The following SCHIP1 variants were observed in gnomAD, a reference collection of about 807,000 sequenced individuals.
The protein encoded by SCHIP1 is schwannomin interacting protein 1.
Under a neutral mutation model 29.7 loss-of-function variants are expected in SCHIP1, and 8 were observed. The ratio of observed to expected loss-of-function variants is 0.27; its 90% confidence interval spans 0.16 to 0.49. SCHIP1 has a LOEUF of 0.49. SCHIP1 is among the 20% of genes least tolerant of loss of function. The pLI, the probability that SCHIP1 is intolerant of heterozygous loss-of-function variation, is 0.99. For synonymous variants in SCHIP1, 76 were observed against 94.9 expected (o/e 0.80, Z 1.16); for missense variants, 193 against 294.6 (o/e 0.66, Z 2.52).
At chr3:159,792,125 CTTTG>C in the SCHIP1 span, among the ~76,000 whole-genome samples, 2 of 151,958 alleles carry the variant, frequency 1.3e-5, no homozygotes, top group Admixed American at 6.6e-5. Flanking sequence ...GGTACAATTC[CTTTG>C]TTTGTTCATT....
chr3:159,517,700 A>G, the SCHIP1 span, among the ~76,000 whole-genome samples: 1 of 151,930 alleles, frequency 6.6e-6, no homozygotes, highest in African/African-American at 2.4e-5. Flanking sequence ...TATATATAGT[A>G]TATATCTACC....
the SCHIP1 span, among the ~76,000 whole-genome samples, chr3:159,392,042 G>A: frequency 6.6e-6 from 1 of 152,158 alleles, no homozygotes; most frequent in African/African-American, 2.4e-5. Flanking sequence ...CTTCTGGAGG[G>A]AAAAGAGAAA....
chr3:159,287,032 GGTGATAGTTTCTTTTACT>G, the SCHIP1 span, among the ~76,000 whole-genome samples: 5 of 152,044 alleles, frequency 3.3e-5, no homozygotes, highest in Admixed American at 2.0e-4. Flanking sequence ...TGTTTACTCT[GGTGATAGTTTCTTTTACT>G]GTGCCGAAGC....
At chr3:159,358,332 C>T in the SCHIP1 span, among the ~76,000 whole-genome samples, 1 of 152,116 alleles carries the variant, frequency 6.6e-6, no homozygotes, top group African/African-American at 2.4e-5. Context: ...CTGGCCAGTC[C>T]CCAGAACCAC....
chr3:159,551,720 T>A, the SCHIP1 span, among the ~76,000 whole-genome samples: 2 of 152,166 alleles, frequency 1.3e-5, no homozygotes, highest in Admixed American at 6.5e-5. Context: ...TTGTTTGTGC[T>A]TTTCTAATTC....
chr3:159,401,249 A>G, the SCHIP1 span: 4 of 896,676 alleles, frequency 4.5e-6, no homozygotes, highest in Non-Finnish European at 5.3e-6. Flanking sequence ...TCCAGTAAAT[A>G]TCCAGGTTTC....
the SCHIP1 span, among the ~76,000 whole-genome samples, chr3:159,626,126 A>ATATATATATATATCTAGATATATCTATC: frequency 3.2e-5 from 4 of 123,698 alleles, no homozygotes; most frequent in African/African-American, 5.2e-5. Flanking sequence ...AGATAGATAG[A>ATATATATATATATCTAGATATATCTATC]TAGATAGATA....
At chr3:159,694,592 GAAAGAAAGA>G in the SCHIP1 span, among the ~76,000 whole-genome samples, 2 of 136,092 alleles carry the variant, frequency 1.5e-5, no homozygotes, top group African/African-American at 5.4e-5. Context: ...AAGAAAGAAA[GAAAGAAAGA>G]AAGAAAGGAA....
chr3:159,778,124 GGCGCCCGCCAGC>G, the SCHIP1 span, among the ~76,000 whole-genome samples: 6 of 152,092 alleles, frequency 3.9e-5, no homozygotes, highest in Non-Finnish European at 2.9e-5. Flanking sequence ...TGGGACTACA[GGCGCCCGCCAGC>G]GCGCCTGCCA....
the SCHIP1 span, among the ~76,000 whole-genome samples, chr3:159,491,271 G>A: frequency 1.4e-4 from 21 of 152,176 alleles, no homozygotes; most frequent in African/African-American, 4.3e-4. Flanking sequence ...GACAGTGGGC[G>A]CAGCACACCA....
chr3:159,476,303 T>A, the SCHIP1 span, among the ~76,000 whole-genome samples: 1 of 152,172 alleles, frequency 6.6e-6, no homozygotes, highest in Admixed American at 6.6e-5. Context: ...GCCATTGATA[T>A]GATCTTGAGA....
At chr3:159,604,702 T>C in the SCHIP1 span, among the ~76,000 whole-genome samples, 1 of 152,208 alleles carries the variant, frequency 6.6e-6, no homozygotes, top group African/African-American at 2.4e-5. Context: ...CTAAACACAA[T>C]TTAAAGGTAA....
chr3:159,863,213 G>A (rs142832843), intron 1 of SCHIP1, among the ~76,000 whole-genome samples: 3 of 152,148 alleles, frequency 2.0e-5, no homozygotes, highest in Non-Finnish European at 4.4e-5. Flanking sequence ...AGTGGCGCGA[G>A]CCTGTAGTCC....
chr3:159,321,618 G>A, the SCHIP1 span, among the ~76,000 whole-genome samples: 1 of 151,956 alleles, frequency 6.6e-6, no homozygotes, highest in Admixed American at 6.6e-5. Context: ...ACAATGTGCA[G>A]GTTAGTTACA....
At chr3:159,490,459 G>C in the SCHIP1 span, among the ~76,000 whole-genome samples, 1 of 152,178 alleles carries the variant, frequency 6.6e-6, no homozygotes, top group Non-Finnish European at 1.5e-5. Flanking sequence ...GAGAAAACTA[G>C]AGTAGTTCAA....
chr3:159,568,448 T>C, the SCHIP1 span, among the ~76,000 whole-genome samples: 53 of 152,196 alleles, frequency 3.5e-4, 1 homozygote, highest in Non-Finnish European at 4.4e-5. Flanking sequence ...TTAATAAAAT[T>C]CTTTCTATTC....
chr3:159,687,443 C>G, the SCHIP1 span, among the ~76,000 whole-genome samples: 145 of 152,200 alleles, frequency 9.5e-4, no homozygotes, highest in African/African-American at 3.3e-3. Context: ...TGTATAAACT[C>G]TATGCTCTGA....
chr3:159,813,558 T>G, the SCHIP1 span, among the ~76,000 whole-genome samples: 10 of 152,176 alleles, frequency 6.6e-5, no homozygotes, highest in South Asian at 1.9e-3. Flanking sequence ...ATGTGTGATG[T>G]GCTCCTGTGG....
intron 1 of SCHIP1, among the ~76,000 whole-genome samples, chr3:159,843,547 G>A (rs1206914334): frequency 5.9e-5 from 9 of 151,974 alleles, no homozygotes; most frequent in East Asian, 1.9e-4. Context: ...AAGGCAGGGC[G>A]TGGTGGCTCA....
Sources: gnomAD v4.1 joint callset for allele counts (sites outside exome capture counted in the v4.1 genomes callset) on GRCh38, gnomAD v4.1.1 for gene constraint, MANE v1.5 for transcripts, NCBI Gene and HGNC (gene_info 2026-07-23, HGNC 2026-07-21) for gene names.